Variants in SRGAP2 observed in about 807,000 individuals in gnomAD.
The protein encoded by SRGAP2 is SLIT-ROBO Rho GTPase-activating protein 2.
In SRGAP2, 15 loss-of-function variants were observed where a neutral mutation model predicts 57.2. The observed-to-expected ratio is 0.26, with a 90% CI of 0.18 to 0.40. The LOEUF is 0.40. Ranked by LOEUF, SRGAP2 falls within the 10% of genes least tolerant of loss-of-function variation. The pLI is 1.00. For missense variants in SRGAP2, 520 were observed against 669.6 expected, an observed-to-expected ratio of 0.78 and a Z score of 2.47; for synonymous variants, 249 against 248.0, an observed-to-expected ratio of 1.00 and a Z score of -0.04.
intron 14 of SRGAP2, among the ~76,000 whole-genome samples, chr1:206,431,076 TTC>T (rs1289070568): frequency 6.6e-5 from 10 of 152,192 alleles, no homozygotes; most frequent in South Asian, 4.1e-4. Context: ...GAGGCAGCTA[TTC>T]TCTCTCCCTC....
In SRGAP2 at chr1:206,463,814, C is replaced by T. The variant is rs1479685186; in HGVS notation, c.*2394C>T. ...GAGTCCTTCTCGGCAGAGCTCACTG[C>T]AAACAACTGGAATTGAGGTTGCACA... On this transcript the variant is annotated 3_prime_UTR_variant, in exon 23 of 23. Coordinates refer to ENST00000573034, the MANE Select transcript of SRGAP2 (RefSeq NM_015326.5). 6.6e-6 allele frequency: 1 copy of T among 152,638 alleles called. No homozygotes were observed. 9.5% of individuals were successfully genotyped at this position (152,638 alleles called of 1,614,324 possible). A position where few individuals can be genotyped will look rare whatever the true frequency, so the allele number is the denominator to read the frequency against.
In SRGAP2 at chr1:206,455,182, C is replaced by T. The variant is rs1169849260; in HGVS notation, c.2507+158C>T. On this transcript the variant is annotated intron_variant, in intron 21 of 22. Transcript: ENST00000573034. ...GTGGTCATTGCTGCTGCAAGGCGGA[C>T]AGGGCTGAGGATGCTGCTACAAGCC... The T allele has an allele frequency of 5.7e-6, 4 of 704,794 alleles. No homozygotes were observed. The East Asian group carries it at 1.0e-4, about 18-fold the overall frequency. 43.7% of individuals were successfully genotyped at this position (704,794 alleles called of 1,614,324 possible).
intron 10 of SRGAP2, among the ~76,000 whole-genome samples, chr1:206,410,808 G>A (rs777220519): frequency 2.6e-5 from 4 of 152,092 alleles, no homozygotes; most frequent in Non-Finnish European, 5.9e-5. Flanking sequence ...AGTGATGCTC[G>A]CTGTTTAGCC....
intron 2 of SRGAP2, among the ~76,000 whole-genome samples, chr1:206,230,181 G>A (rs1320028553): frequency 6.6e-6 from 1 of 151,770 alleles, no homozygotes; most frequent in Non-Finnish European, 1.5e-5. Context: ...TACTGCATTG[G>A]CATGCTTTGT....
intron 2 of SRGAP2, among the ~76,000 whole-genome samples, chr1:206,283,428 C>T (rs1399354768): frequency 1.3e-5 from 2 of 152,092 alleles, no homozygotes; most frequent in Admixed American, 1.3e-4. Context: ...AATCCCAGCA[C>T]TTTGGGAGGC....
At chr1:206,404,651 C>A (rs2103157945) in intron 8 of SRGAP2, among the ~76,000 whole-genome samples, 1 of 152,210 alleles carries the variant, frequency 6.6e-6, no homozygotes, top group Non-Finnish European at 1.5e-5. Context: ...TAGGGAAGGC[C>A]TGGGGTAAAA....
At chr1:206,390,388 T>TAAAA (rs1553349936) in intron 5 of SRGAP2, among the ~76,000 whole-genome samples, 1 of 145,142 alleles carries the variant, frequency 6.9e-6, no homozygotes, top group Admixed American at 6.9e-5. Context: ...TACTCTCTTT[T>TAAAA]AACAAGAAAG....
At chr1:206,256,616 T>C (rs1669200815) in intron 2 of SRGAP2, among the ~76,000 whole-genome samples, 1 of 149,754 alleles carries the variant, frequency 6.7e-6, no homozygotes, top group South Asian at 2.2e-4. Context: ...TTATGTCTCC[T>C]TTCCTAACCT....
intron 3 of SRGAP2, among the ~76,000 whole-genome samples, chr1:206,325,653 TCTGTTATTCTCTTCTA>T (rs1673823580): frequency 6.6e-6 from 1 of 151,362 alleles, no homozygotes; most frequent in Non-Finnish European, 1.5e-5. Context: ...GCTACTTTTT[TCTGTTATTCTCTTCTA>T]CTGTTGCCTA....
At position 206,454,598 on chromosome 1, in the gene SRGAP2, G is replaced by A. The variant is rs1313351392; in HGVS notation, c.2361-280G>A. The A allele has an allele frequency of 1.3e-5, 6 of 455,430 alleles. No homozygotes were observed. Among genetic ancestry groups the A allele is most frequent in the Non-Finnish European group, 2.3e-5 (6 of 257,680 alleles). The allele number at this position is 455,430 out of a possible 1,614,324, so 28.2% of individuals were successfully genotyped here. A position where few individuals can be genotyped will look rare whatever the true frequency, so the allele number is the denominator to read the frequency against. On this transcript the variant is annotated intron_variant, in intron 20 of 22. Transcript: ENST00000573034. This position sits in a 1 kb window ranked among gnomAD's most constrained non-coding sequence, Gnocchi z 4.3. ...CCCCAGGAAGCAGCATGGGGTAGAA[G>A]GCAGATGCCTCGAATCCAGGTGTCC...
chr1:206,325,736 A>C (rs554156027), intron 3 of SRGAP2, among the ~76,000 whole-genome samples: 1 of 152,088 alleles, frequency 6.6e-6, no homozygotes, highest in African/African-American at 2.4e-5. Flanking sequence ...TTTAAACCTC[A>C]CTAATGGGTT....
At chr1:206,458,442 G>C (rs1553379194) in intron 21 of SRGAP2, 181 bp from the exon 22 acceptor site, 2 of 714,892 alleles carry the variant, frequency 2.8e-6, no homozygotes. Context: ...CCCAGCTTGG[G>C]GGTGGCAAGG....
chr1:206,425,428 T>C (rs1660705259), intron 13 of SRGAP2, among the ~76,000 whole-genome samples: 1 of 152,090 alleles, frequency 6.6e-6, no homozygotes. Flanking sequence ...ATCCAATAAA[T>C]TATTATTAAC....
At chr1:206,286,937 C>T (rs1393958658) in intron 2 of SRGAP2, among the ~76,000 whole-genome samples, 2 of 152,026 alleles carry the variant, frequency 1.3e-5, no homozygotes, top group Admixed American at 1.3e-4. Context: ...AGATGATGAG[C>T]AGGGCTGCAG....
chr1:206,372,964 CCTTTCTTTCTTTCTTTCTTTCTTTCTTT>C lies in SRGAP2; in HGVS notation c.424-11013_424-10986del, dbSNP rs1171287240. On this transcript the variant is annotated intron_variant, in intron 4 of 22. Transcript: ENST00000573034. ...CTTTCTTTCTTTCTTTCTTTTCTTT[CCTTTCTTTCTTTCTTTCTTTCTTTCTTT>C]CTTTCTTTCTTTCTTTCTTTCTTTC... Among the ~76,000 whole-genome samples the C allele has an allele frequency of 1.5e-3, 35 of 23,342 alleles. 2 individuals are homozygous for C. Among genetic ancestry groups the C allele is most frequent in the African/African-American group, 6.5e-3 (32 of 4,888 alleles). The allele number at this position is 23,342 out of a possible 152,430, so 15.3% of individuals were successfully genotyped here.
At chr1:206,354,649 T>C (rs1445292792) in intron 4 of SRGAP2, among the ~76,000 whole-genome samples, 4 of 152,208 alleles carry the variant, frequency 2.6e-5, no homozygotes, top group Admixed American at 1.3e-4. Flanking sequence ...CTATGAACAT[T>C]ATAATGGGAA....
chr1:206,451,085 C>G (rs546140516), intron 19 of SRGAP2, among the ~76,000 whole-genome samples: 3 of 147,432 alleles, frequency 2.0e-5, no homozygotes, highest in African/African-American at 5.0e-5. Flanking sequence ...CTACAGTACT[C>G]CAGCCTGGGT....
chr1:206,304,599 G>A (rs1672079746), intron 3 of SRGAP2, among the ~76,000 whole-genome samples: 1 of 152,048 alleles, frequency 6.6e-6, no homozygotes, highest in African/African-American at 2.4e-5. Context: ...GCAGCCCACA[G>A]GCCGTAGGTT....
At chr1:206,385,023 TCACAGAACAGGCAG>T (rs1219259530) in intron 5 of SRGAP2, among the ~76,000 whole-genome samples, 1 of 148,506 alleles carries the variant, frequency 6.7e-6, no homozygotes, top group Non-Finnish European at 1.5e-5. Context: ...TTTTTTTAAT[TCACAGAACAGGCAG>T]TGGTGACATG....
Sources: gnomAD v4.1 joint callset for allele counts (sites outside exome capture counted in the v4.1 genomes callset) on GRCh38, gnomAD v4.1.1 for gene constraint, Gnocchi (gnomAD v3.1) non-coding constraint, MANE v1.5 for transcripts, NCBI Gene and HGNC (gene_info 2026-07-23, HGNC 2026-07-21) for gene names.